Variants in DNM1L observed in about 807,000 individuals in gnomAD.
DNM1L encodes the protein dynamin 1L.
Under a neutral mutation model 92.8 loss-of-function variants are expected in DNM1L, and 33 were observed. The ratio of observed to expected loss-of-function variants is 0.36; its 90% CI spans 0.27 to 0.48. DNM1L has a LOEUF of 0.48. Among genes scored for constraint, DNM1L ranks in the 20% least tolerant of loss-of-function variants. DNM1L has a pLI of 0.99. For missense variants in DNM1L, 485 were observed against 888.8 expected, an observed-to-expected ratio of 0.55 and a Z score of 5.78; for synonymous variants, 284 against 305.0, an observed-to-expected ratio of 0.93 and a Z score of 0.72.
chr12:32,733,221 G>A (rs527815002), intron 12 of DNM1L, among the ~76,000 whole-genome samples: 1 of 152,244 alleles, frequency 6.6e-6, no homozygotes, highest in East Asian at 1.9e-4. Context: ...TTAACTAGGT[G>A]CTTTATAGTT....
chr12:32,716,742 G>GTATATATATA (rs71447619), intron 6 of DNM1L, among the ~76,000 whole-genome samples: 57 of 139,170 alleles, frequency 4.1e-4, no homozygotes, highest in African/African-American at 1.0e-3. Context: ...ACTATATATA[G>GTATATATATA]TATATATATA....
Position 32,722,565 on chromosome 12 carries a change from T to C in DNM1L, c.1011T>C (p.Ile337=). The change falls in exon 9 of 20, where the codon ATT becomes ATC. Residue 337 remains isoleucine, a synonymous_variant. Transcript: ENST00000549701. ...AAAGTGCTACTTTACTCCAACTTATTACCAAATTTGCCACAGAATATTGTA... is the reference window on the plus strand; with the variant it reads ...AAAGTGCTACTTTACTCCAACTTATCACCAAATTTGCCACAGAATATTGTA... ...DDKSATLLQL[I]TKFATEYCNT... 1 of 1,613,474 alleles carries C rather than the reference T, an allele frequency of 6.2e-7. No individual in the cohort carries two copies. The highest frequency in any genetic ancestry group is 8.5e-7 in the Non-Finnish European group (1 of 1,179,962).
At chr12:32,712,738 C>T (rs951824977) in intron 5 of DNM1L, among the ~76,000 whole-genome samples, 1 of 151,286 alleles carries the variant, frequency 6.6e-6, no homozygotes, top group African/African-American at 2.4e-5. Context: ...TCCCACAGCC[C>T]TTACCACCAT....
intron 1 of DNM1L, among the ~76,000 whole-genome samples, chr12:32,681,864 A>G (rs1319960804): frequency 2.0e-5 from 3 of 151,980 alleles, no homozygotes; most frequent in Admixed American, 6.6e-5. Context: ...GCCAGGTGCT[A>G]TGGTGTGTAG....
At chr12:32,736,584 C>T (rs1166409752) in intron 13 of DNM1L, among the ~76,000 whole-genome samples, 1 of 152,192 alleles carries the variant, frequency 6.6e-6, no homozygotes. Context: ...AGAAATGGAA[C>T]ATTTTTATAG....
At chr12:32,717,522 G>A (rs1953515380) in intron 6 of DNM1L, among the ~76,000 whole-genome samples, 1 of 116,090 alleles carries the variant, frequency 8.6e-6, no homozygotes, top group Non-Finnish European at 1.7e-5. Context: ...ACGGAGTCCT[G>A]CTCTGCATAG....
intron 13 of DNM1L, 100 bp from the exon 14 acceptor site, chr12:32,736,999 ATGTATC>A: frequency 9.9e-7 from 1 of 1,011,840 alleles, no homozygotes; most frequent in Non-Finnish European, 1.5e-6. Context: ...CAGTGAGAGG[ATGTATC>A]TGTAAGTTAC....
rs34943495 is a variant in DNM1L, at chr12:32,699,796, C to CAAAAAA, written c.103-1601_103-1596dup. Among the ~76,000 whole-genome samples the CAAAAAA allele has an allele frequency of 3.0e-4, 22 of 73,520 alleles. 1 individual carries two copies. Among genetic ancestry groups the CAAAAAA allele is most frequent in the Admixed American group, 4.9e-4 (3 of 6,130 alleles). 48.2% of individuals were successfully genotyped at this position (73,520 alleles called of 152,430 possible). On this transcript the variant is annotated intron_variant, in intron 1 of 19. Coordinates refer to ENST00000549701, the MANE Select transcript of DNM1L (RefSeq NM_012062.5). ...TGGGCGACAGAGCAAGACTCCATCT[C>CAAAAAA]AAAAAAAAAAAAAAAAAAAAAAAGC...
At chr12:32,688,955 TG>T (rs1310503474) in intron 1 of DNM1L, among the ~76,000 whole-genome samples, 1 of 152,158 alleles carries the variant, frequency 6.6e-6, no homozygotes, top group East Asian at 1.9e-4. Context: ...CCCTTTTACT[TG>T]GGAGACCTGG....
Position 32,705,894 on chromosome 12 carries a change from T to C in DNM1L, c.251-1473T>C, listed in dbSNP as rs756661308. On this transcript the variant is annotated intron_variant, in intron 2 of 19. Transcript: ENST00000549701. Reference sequence around the variant, plus strand: ...CTTTATCCATTTGCTTTTGACCCTTTTTTTCTCTTATGCCTGCATGTGTGC... The same window carrying C: ...CTTTATCCATTTGCTTTTGACCCTTCTTTTCTCTTATGCCTGCATGTGTGC... 1.6e-5 allele frequency: 26 copies of C among 1,590,692 alleles called. No individual in the cohort carries two copies. The South Asian group carries it at 2.6e-4, about 16-fold the overall frequency.
At chr12:32,696,383 A>AACACAC (rs58224525) in intron 1 of DNM1L, among the ~76,000 whole-genome samples, 5,348 of 145,052 alleles carry the variant, frequency 0.037, 119 homozygotes, top group African/African-American at 0.039. Flanking sequence ...CACACACACA[A>AACACAC]ACACACACAC....
At position 32,707,417 on chromosome 12, in the gene DNM1L, A is replaced by G; in HGVS notation, c.297+4A>G. On this transcript the variant is annotated splice_donor_region_variant and intron_variant, in intron 3 of 19. Coordinates refer to ENST00000549701, the MANE Select transcript of DNM1L (RefSeq NM_012062.5). Reference sequence around the variant, plus strand: ...ATTTCTTCACACCAAAAATAAGGTAATCACACATGCATATAATGAAGAAAT... The same window carrying G: ...ATTTCTTCACACCAAAAATAAGGTAGTCACACATGCATATAATGAAGAAAT... 1 of 1,598,438 alleles carries G rather than the reference A, an allele frequency of 6.3e-7. No individual in the cohort carries two copies. The highest frequency in any genetic ancestry group is 8.5e-7 in the Non-Finnish European group (1 of 1,171,370).
intron 19 of DNM1L, among the ~76,000 whole-genome samples, 165 bp downstream of exon 19, chr12:32,742,913 T>TTTTTA (rs1955411603): frequency 1.5e-5 from 2 of 130,002 alleles, no homozygotes; most frequent in African/African-American, 3.2e-5. Context: ...TTTTTTTTTT[T>TTTTTA]GAGTGGGAGT....
chr12:32,733,598 C>A, intron 12 of DNM1L, 117 bp from the exon 13 acceptor site: 1 of 783,218 alleles, frequency 1.3e-6, no homozygotes, highest in Non-Finnish European at 2.2e-6. Context: ...GTAATTTAGG[C>A]ATAAGTTTCC....
chr12:32,717,950 GTATA>G (rs1366652659), intron 6 of DNM1L, among the ~76,000 whole-genome samples: 1 of 84,556 alleles, frequency 1.2e-5, no homozygotes, highest in Non-Finnish European at 2.1e-5. Flanking sequence ...ATAAAATATA[GTATA>G]TATAGTATAT....
At chr12:32,742,462 G>T in intron 18 of DNM1L, 127 bp from the exon 19 acceptor site, 2 of 1,184,022 alleles carry the variant, frequency 1.7e-6, no homozygotes, top group Non-Finnish European at 2.4e-6. Context: ...GGGCGATTAT[G>T]CCATTAATGA....
At chr12:32,717,853 A>AATATACTATATATAGT (rs1953559435) in intron 6 of DNM1L, among the ~76,000 whole-genome samples, 4 of 83,252 alleles carry the variant, frequency 4.8e-5, no homozygotes, top group Admixed American at 3.0e-4. Flanking sequence ...ATATTTTATA[A>AATATACTATATATAGT]ATATACTATA....
At chr12:32,705,826 C>T (rs775011368) in intron 2 of DNM1L, 6 of 1,597,884 alleles carry the variant, frequency 3.8e-6, no homozygotes, top group African/African-American at 1.3e-5. Flanking sequence ...TAACTACAGA[C>T]CCTGCTACAT....
At chr12:32,697,218 G>A (rs1952504635) in intron 1 of DNM1L, among the ~76,000 whole-genome samples, 1 of 151,908 alleles carries the variant, frequency 6.6e-6, no homozygotes, top group South Asian at 2.1e-4. Flanking sequence ...GATAGAGCGA[G>A]ACTCTCTAAA....
Sources: gnomAD v4.1 joint callset for allele counts (sites outside exome capture counted in the v4.1 genomes callset) on GRCh38, gnomAD v4.1.1 for gene constraint, MANE v1.5 for transcripts, NCBI Gene and HGNC (gene_info 2026-07-23, HGNC 2026-07-21) for gene names.